The following HLCS variants were observed in gnomAD, a reference collection of about 807,000 sequenced individuals.
The protein encoded by HLCS is holocarboxylase synthetase.
A neutral mutation model predicts 75.0 loss-of-function variants in HLCS; 53 were observed. The ratio of observed to expected loss-of-function variants is 0.71; its 90% CI spans 0.57 to 0.89. The LOEUF is 0.89. HLCS is among the 40% of genes least tolerant of loss of function. The probability of loss-of-function intolerance (pLI) is 0.00; values close to 1 mark genes in which losing one functional copy is unlikely to be tolerated. For missense variants in HLCS, 966 were observed against 1,074.0 expected (o/e 0.90, Z 1.41); for synonymous variants, 431 against 428.6 (o/e 1.01, Z -0.07).
intron 6 of HLCS, among the ~76,000 whole-genome samples, chr21:36,885,566 G>A (rs1474707701): frequency 2.0e-5 from 3 of 151,572 alleles, no homozygotes; most frequent in Admixed American, 1.3e-4. Context: ...ACACCAATCT[G>A]TTTCATGGAC....
At chr21:36,876,502 T>G (rs1447106421) in intron 6 of HLCS, among the ~76,000 whole-genome samples, 1 of 152,228 alleles carries the variant, frequency 6.6e-6, no homozygotes, top group Non-Finnish European at 1.5e-5. Flanking sequence ...TGTGATTTCT[T>G]GCTTGACCAA....
intron 6 of HLCS, among the ~76,000 whole-genome samples, chr21:36,825,065 A>G (rs1320797919): frequency 1.3e-5 from 2 of 152,200 alleles, no homozygotes; most frequent in African/African-American, 4.8e-5. Flanking sequence ...AATTACCTCA[A>G]TATCTAATAG....
intron 6 of HLCS, among the ~76,000 whole-genome samples, chr21:36,797,198 T>A (rs1352398058): frequency 1.3e-5 from 2 of 152,114 alleles, no homozygotes; most frequent in African/African-American, 4.8e-5. Flanking sequence ...TGCCCTGACA[T>A]AACTCATGGC....
chr21:36,866,972 T>C (rs1352722549), intron 6 of HLCS, among the ~76,000 whole-genome samples: 2 of 152,162 alleles, frequency 1.3e-5, no homozygotes, highest in Middle Eastern at 3.2e-3. Context: ...CCCTCCCTTG[T>C]TATCACAAGT....
chr21:36,859,209 G>A (rs1454464523), intron 6 of HLCS, among the ~76,000 whole-genome samples: 3 of 152,106 alleles, frequency 2.0e-5, no homozygotes, highest in Admixed American at 2.0e-4. Context: ...TTTTAGTAGA[G>A]ACGGGGTTTC....
At chr21:36,780,934 C>A (rs1290559865) in intron 6 of HLCS, among the ~76,000 whole-genome samples, 1 of 127,212 alleles carries the variant, frequency 7.9e-6, no homozygotes, top group East Asian at 2.9e-4. Context: ...CTCTGCCCCA[C>A]CCCCCCACCC....
At chr21:36,879,754 C>G (rs939774308) in intron 6 of HLCS, among the ~76,000 whole-genome samples, 2 of 151,860 alleles carry the variant, frequency 1.3e-5, no homozygotes, top group African/African-American at 4.8e-5. Context: ...ACAAAAGCTA[C>G]GAAAAGTTAG....
intron 9 of HLCS, 128 bp downstream of exon 9, chr21:36,759,599 A>G (rs540350385): frequency 1.4e-5 from 10 of 694,056 alleles, no homozygotes; most frequent in African/African-American, 8.8e-5. Flanking sequence ...ACCCTGCTCC[A>G]AAACTACAAG....
intron 6 of HLCS, among the ~76,000 whole-genome samples, chr21:36,845,570 A>G (rs938781950): frequency 1.3e-5 from 2 of 152,274 alleles, no homozygotes; most frequent in Admixed American, 6.5e-5. Flanking sequence ...AGTAGCAGGG[A>G]CACGCTCCCA....
chr21:36,965,243 G>T (rs1034026992), intron 1 of HLCS, among the ~76,000 whole-genome samples: 1 of 152,222 alleles, frequency 6.6e-6, no homozygotes, highest in African/African-American at 2.4e-5. Context: ...GACATATGCA[G>T]AAAACGTCAT....
intron 3 of HLCS, 120 bp downstream of exon 3, chr21:36,938,712 A>T: frequency 1.0e-6 from 1 of 983,300 alleles, no homozygotes; most frequent in African/African-American, 1.6e-5. Context: ...TATGCTGCTC[A>T]GGCTGGTCTC....
At chr21:36,794,034 C>T (rs1037914883) in intron 6 of HLCS, among the ~76,000 whole-genome samples, 2 of 152,204 alleles carry the variant, frequency 1.3e-5, no homozygotes. Context: ...CTACTAAGGA[C>T]GAGCTACGGG....
chr21:36,918,231 A>G (rs1046888199), intron 5 of HLCS, among the ~76,000 whole-genome samples: 2 of 152,202 alleles, frequency 1.3e-5, no homozygotes, highest in Admixed American at 1.3e-4. Flanking sequence ...ATTGCTCCAT[A>G]TGGCAGAAAC....
At chr21:36,979,427 C>T (rs2069045949) in intron 1 of HLCS, among the ~76,000 whole-genome samples, 1 of 152,178 alleles carries the variant, frequency 6.6e-6, no homozygotes, top group African/African-American at 2.4e-5. Flanking sequence ...GCCATGGGAA[C>T]TAGCTCCTTT....
intron 6 of HLCS, among the ~76,000 whole-genome samples, chr21:36,799,660 C>T (rs914567264): frequency 4.6e-5 from 7 of 152,306 alleles, no homozygotes; most frequent in East Asian, 3.9e-4. Context: ...CACCTGCATG[C>T]TCACTCACAT....
At chr21:36,975,430 C>T (rs182983406) in intron 1 of HLCS, among the ~76,000 whole-genome samples, 1 of 152,222 alleles carries the variant, frequency 6.6e-6, no homozygotes, top group East Asian at 1.9e-4. Flanking sequence ...CTGTTTCCCA[C>T]GGTTCTGCCT....
intron 6 of HLCS, among the ~76,000 whole-genome samples, chr21:36,873,749 G>A (rs1331984618): frequency 6.6e-6 from 1 of 152,116 alleles, no homozygotes; most frequent in Non-Finnish European, 1.5e-5. Context: ...ACAGGCATGT[G>A]CCACCACATC....
chr21:36,969,346 C>T (rs576150186), upstream of HLCS, among the ~76,000 whole-genome samples: 1 of 152,238 alleles, frequency 6.6e-6, no homozygotes, highest in South Asian at 2.1e-4. Flanking sequence ...AAGTGTGGTC[C>T]TTAGAGCAGC....
At chr21:36,875,935 G>C (rs989786672) in intron 6 of HLCS, among the ~76,000 whole-genome samples, 3 of 152,176 alleles carry the variant, frequency 2.0e-5, no homozygotes, top group Admixed American at 2.0e-4. Flanking sequence ...GTGTCTCCAA[G>C]TTTCTGGATG....
Sources: gnomAD v4.1 joint callset for allele counts (sites outside exome capture counted in the v4.1 genomes callset) on GRCh38, gnomAD v4.1.1 for gene constraint, MANE v1.5 for transcripts, NCBI Gene and HGNC (gene_info 2026-07-23, HGNC 2026-07-21) for gene names.